The following GNB5 variants were observed in gnomAD, a reference collection of about 807,000 sequenced individuals.
The protein encoded by GNB5 is G protein subunit beta 5.
Under a neutral mutation model 55.3 loss-of-function variants are expected in GNB5, and 37 were observed. That is an observed-to-expected ratio of 0.67 (90% CI 0.51 to 0.88). The LOEUF (loss-of-function observed/expected upper bound fraction) is 0.88, where lower values mean the gene tolerates loss of function less well. Among genes scored for constraint, GNB5 ranks in the 40% least tolerant of loss-of-function variants. The pLI is 0.00. For missense variants in GNB5, 476 were observed against 515.3 expected (o/e 0.92, Z 0.74); for synonymous variants, 219 against 198.5 (o/e 1.10, Z -0.87).
At chr15:52,149,007 A>G (rs1473167323) in intron 5 of GNB5, among the ~76,000 whole-genome samples, 3 of 152,226 alleles carry the variant, frequency 2.0e-5, no homozygotes, top group Non-Finnish European at 4.4e-5. Flanking sequence ...GAGAGAGATG[A>G]AGGCTTCCAA....
chr15:52,127,802 G>T (rs2033465723), intron 10 of GNB5, among the ~76,000 whole-genome samples: 1 of 132,708 alleles, frequency 7.5e-6, no homozygotes, highest in African/African-American at 3.4e-5. Flanking sequence ...ACTTATAGTA[G>T]TGTTTTTAAC....
At chr15:52,150,075 TG>T (rs2034059294) in intron 4 of GNB5, 150 bp from the exon 5 acceptor site, 1 of 644,360 alleles carries the variant, frequency 1.6e-6, no homozygotes, top group South Asian at 1.9e-5. Context: ...AATCTATCCA[TG>T]AAAAAAAGTG....
chr15:52,169,043 G>T (rs757980681), intron 3 of GNB5, among the ~76,000 whole-genome samples: 16 of 152,164 alleles, frequency 1.1e-4, no homozygotes, highest in Admixed American at 5.9e-4. Context: ...GCAATACCAG[G>T]CCGGATGTGG....
At chr15:52,173,032 T>G (rs964816455) in intron 3 of GNB5, among the ~76,000 whole-genome samples, 1 of 152,174 alleles carries the variant, frequency 6.6e-6, no homozygotes, top group African/African-American at 2.4e-5. Flanking sequence ...ATTTGATAAA[T>G]ATTTACTTAG....
chr15:52,131,133 T>C (rs1213915746), intron 9 of GNB5, among the ~76,000 whole-genome samples: 1 of 152,218 alleles, frequency 6.6e-6, no homozygotes, highest in African/African-American at 2.4e-5. Context: ...GCTGAGTGTG[T>C]GCATTTTAAA....
rs545500884 is a variant in GNB5, at chr15:52,126,612, G to T, written c.913-568C>A. 4.6e-5 allele frequency among the ~76,000 whole-genome samples: 7 copies of T among 152,054 alleles called. No individual in the cohort carries two copies. The East Asian group carries it at 1.4e-3, about 29-fold the overall frequency. ...ATCAGAATCTATTTAGCCAAACCCT[G>T]TTGTTTTGGTTGTGTTTAATTTTTC... On this transcript the variant is annotated intron_variant, in intron 10 of 12. Transcript: ENST00000261837.
Position 52,177,011 on chromosome 15 carries a change from C to T in GNB5, c.238+2757G>A, listed in dbSNP as rs553631197. ...ACACCAAACACACCCCCTCCTGGGG[C>T]CTCTGCCTAGCTCCTCCTTTTTTTT... On this transcript the variant is annotated intron_variant, in intron 3 of 12. Coordinates refer to ENST00000261837, the MANE Select transcript of GNB5 (RefSeq NM_016194.4). Among the ~76,000 whole-genome samples the T allele has an allele frequency of 3.3e-5, 5 of 149,954 alleles. No homozygotes were observed. The East Asian group carries it at 9.8e-4, about 29-fold the overall frequency.
chr15:52,165,293 A>G (rs1438064782), intron 3 of GNB5, among the ~76,000 whole-genome samples: 3 of 152,222 alleles, frequency 2.0e-5, no homozygotes, highest in Non-Finnish European at 2.9e-5. Context: ...ATACTTCAGG[A>G]TATCATCCAG....
chr15:52,170,137 C>A (rs1772130096), intron 3 of GNB5, among the ~76,000 whole-genome samples: 1 of 152,184 alleles, frequency 6.6e-6, no homozygotes, highest in Non-Finnish European at 1.5e-5. Context: ...ATTAGTTCAA[C>A]CCTGTGGAAG....
chr15:52,151,150 G>A (rs1411295166), intron 4 of GNB5, among the ~76,000 whole-genome samples: 1 of 152,176 alleles, frequency 6.6e-6, no homozygotes, highest in East Asian at 1.9e-4. Context: ...TGCCTAAATG[G>A]CCACACACAG....
intron 5 of GNB5, among the ~76,000 whole-genome samples, chr15:52,148,821 G>A (rs573998379): frequency 3.3e-4 from 51 of 152,350 alleles, no homozygotes; most frequent in Non-Finnish European, 1.3e-4. Context: ...AGAACGAGCT[G>A]AGGTAGCCAC....
chr15:52,137,926 T>C, intron 7 of GNB5: 1 of 1,287,160 alleles, frequency 7.8e-7, no homozygotes, highest in Non-Finnish European at 1.0e-6. Flanking sequence ...GAGAGCCCTT[T>C]GCGGATGATT....
At chr15:52,162,930 C>A (rs574122599) in intron 3 of GNB5, 1 of 152,228 alleles carries the variant, frequency 6.6e-6, no homozygotes, top group Admixed American at 6.5e-5. Flanking sequence ...CAATCCGCAG[C>A]GCTCGTGGAG....
rs1046546253 is a variant in GNB5, at chr15:52,122,578, T to A, written c.*179A>T. 3.2e-6 allele frequency: 2 copies of A among 619,888 alleles called. No individual in the cohort carries two copies. Among genetic ancestry groups the A allele is most frequent in the Non-Finnish European group, 2.9e-6 (1 of 347,798 alleles). The allele number at this position is 619,888 out of a possible 1,614,324, so 38.4% of individuals were successfully genotyped here. ...TCGCAGTGCTGAAGGCTCACACTAG[T>A]GTATTTCCAGAGGTGACAGTTTTAA... On this transcript the variant is annotated 3_prime_UTR_variant, in exon 13 of 13. Transcript: ENST00000261837.
At chr15:52,174,575 G>A (rs2034614007) in intron 3 of GNB5, among the ~76,000 whole-genome samples, 1 of 152,140 alleles carries the variant, frequency 6.6e-6, no homozygotes, top group African/African-American at 2.4e-5. Flanking sequence ...GTCTGGCTTG[G>A]GGATGAGGGC....
At chr15:52,154,480 C>G (rs1388408056) in intron 3 of GNB5, among the ~76,000 whole-genome samples, 1 of 152,192 alleles carries the variant, frequency 6.6e-6, no homozygotes, top group Non-Finnish European at 1.5e-5. Flanking sequence ...GATGGGGAAA[C>G]TGAGACTCAG....
chr15:52,149,736 G>T, intron 5 of GNB5, 148 bp downstream of exon 5: 1 of 718,022 alleles, frequency 1.4e-6, no homozygotes, highest in African/African-American at 1.7e-5. Flanking sequence ...ACACGGATAG[G>T]CCTTCTTGGG....
At chr15:52,179,680 ACGACCGCCC>A (rs1347275817) in intron 3 of GNB5, 79 bp downstream of exon 3, 1 of 737,612 alleles carries the variant, frequency 1.4e-6, no homozygotes, top group African/African-American at 1.9e-5. Flanking sequence ...CGTCGCAGCC[ACGACCGCCC>A]CCACCGCCCC....
intron 8 of GNB5, among the ~76,000 whole-genome samples, chr15:52,135,236 A>G (rs887421955): frequency 6.6e-6 from 1 of 152,226 alleles, no homozygotes; most frequent in East Asian, 1.9e-4. Context: ...CCTTGTGCGC[A>G]TCTCTGATGC....
Sources: allele counts gnomAD v4.1 joint callset (sites outside exome capture counted in the v4.1 genomes callset), GRCh38; gene constraint gnomAD v4.1.1; transcripts MANE v1.5; gene names NCBI Gene and HGNC (gene_info 2026-07-23, HGNC 2026-07-21).